Variants in UGT1A4 observed in about 807,000 individuals in gnomAD.
UGT1A4 encodes the protein UDP-glucuronosyltransferase 1A4.
Under a neutral mutation model 41.1 loss-of-function variants are expected in UGT1A4, and 32 were observed. The ratio of observed to expected loss-of-function variants is 0.78; its 90% CI spans 0.59 to 1.05. The LOEUF is 1.05. Among genes scored for constraint, UGT1A4 ranks in the 50% least tolerant of loss-of-function variants. The pLI, the probability that UGT1A4 is intolerant of heterozygous loss-of-function variation, is 0.00. For synonymous variants in UGT1A4, 283 were observed against 265.1 expected, an observed-to-expected ratio of 1.07 and a Z score of -0.66; for missense variants, 748 against 677.4, an observed-to-expected ratio of 1.10 and a Z score of -1.16.
chr2:233,755,108 C>T lies in UGT1A4; in HGVS notation c.868-11926C>T, dbSNP rs1275990290. ...CGCGTTTCTACGCGTCCGACAACAC[C>T]TCGTAGGCCTCAGCCACCTGCTTGA... On this transcript the variant is annotated intron_variant, in intron 1 of 4. Transcript: ENST00000373409. 8 of 1,333,390 alleles carry T rather than the reference C, an allele frequency of 6.0e-6. No individual in the cohort carries two copies. In the Admixed American group the frequency reaches 9.5e-5, roughly 16 times the overall value. The allele number at this position is 1,333,390 out of a possible 1,614,324, so 82.6% of individuals were successfully genotyped here. A position where few individuals can be genotyped will look rare whatever the true frequency, so the allele number is the denominator to read the frequency against.
intron 1 of UGT1A4, chr2:233,755,273 G>GGA: frequency 1.3e-6 from 1 of 755,874 alleles, no homozygotes. Flanking sequence ...CCACTATGCT[G>GGA]GACTGCCAAA....
chr2:233,724,364 G>C (rs1172748596), intron 1 of UGT1A4, among the ~76,000 whole-genome samples: 12 of 145,710 alleles, frequency 8.2e-5, no homozygotes, highest in Non-Finnish European at 1.2e-4. Flanking sequence ...CCTCCCGGAC[G>C]GGGTGGCTGC....
chr2:233,729,056 T>G, intron 1 of UGT1A4: 1 of 1,610,084 alleles, frequency 6.2e-7, no homozygotes, highest in Non-Finnish European at 8.5e-7. Flanking sequence ...ACAAGGTAAT[T>G]AAGATGAAGA....
rs146693320 is a variant in UGT1A4 at position 233,769,441 on chromosome 2, G to A, written c.1307+1002G>A. On this transcript the variant is annotated intron_variant, in intron 4 of 4. Transcript: ENST00000373409. The surrounding 1 kb of genome is among the most constrained non-coding windows in gnomAD (Gnocchi z 4.4). The stretch of plus-strand genomic sequence containing the variant: ...TGCATGTGGCTGTGCTCATGTGTGG[G>A]TGCACACGTGTGCATTCATATGCGT... 108 of 1,546,728 alleles carry A rather than the reference G, an allele frequency of 7.0e-5. No individual in the cohort carries two copies. Among genetic ancestry groups the A allele is most frequent in the Non-Finnish European group, 9.1e-5 (102 of 1,123,582 alleles).
At chr2:233,761,014 A>G (rs756396505) in intron 1 of UGT1A4, 2 of 1,614,180 alleles carry the variant, frequency 1.2e-6, no homozygotes, top group South Asian at 1.1e-5. Flanking sequence ...GAGAGAGGTG[A>G]CTGTCCAGGA....
rs536544989 is a variant in UGT1A4 at position 233,747,339 on chromosome 2, C to T, written c.868-19695C>T. 4.1e-5 allele frequency: 65 copies of T among 1,603,348 alleles called. 1 individual carries two copies. The highest frequency in any genetic ancestry group is 5.4e-5 in the African/African-American group (4 of 74,450). ...TACCCATTGATGGCAGCCACTGGCT[C>T]GCATGCGGGAGGCCGTGCGGGAGCT... On this transcript the variant is annotated intron_variant, in intron 1 of 4. Transcript: ENST00000373409.
At position 233,772,256 on chromosome 2, in the gene UGT1A4, G is replaced by A; in HGVS notation, c.1308-6G>A. ...CCAGGCATAACGAAACTGTCTTTGTGTTTAGTTACAAGGAGAACATCATGC... is the reference window on the plus strand; with the variant it reads ...CCAGGCATAACGAAACTGTCTTTGTATTTAGTTACAAGGAGAACATCATGC... On this transcript the variant is annotated splice_polypyrimidine_tract_variant and splice_region_variant and intron_variant, in intron 4 of 4. Coordinates refer to ENST00000373409, the MANE Select transcript of UGT1A4 (RefSeq NM_007120.3). 1.9e-6 allele frequency: 3 copies of A among 1,614,262 alleles called. No homozygotes were observed. Among genetic ancestry groups the A allele is most frequent in the Non-Finnish European group, 2.5e-6 (3 of 1,180,048 alleles).
chr2:233,730,068 G>T (rs1197768852), intron 1 of UGT1A4: 3 of 1,610,044 alleles, frequency 1.9e-6, no homozygotes, highest in African/African-American at 1.3e-5. Flanking sequence ...ATTTAAAATT[G>T]CTTCCATATT....
chr2:233,737,052 A>T (rs1559381224), intron 1 of UGT1A4, among the ~76,000 whole-genome samples: 1 of 152,244 alleles, frequency 6.6e-6, no homozygotes, highest in Non-Finnish European at 1.5e-5. Flanking sequence ...CCATACTAGG[A>T]GAACGAGTGC....
intron 1 of UGT1A4, chr2:233,747,131 T>C: frequency 6.5e-7 from 1 of 1,533,260 alleles, no homozygotes; most frequent in Non-Finnish European, 8.8e-7. Flanking sequence ...AGTGGCTCAG[T>C]GACAAGGTAA....
At chr2:233,759,153 G>A (rs1244080154) in intron 1 of UGT1A4, among the ~76,000 whole-genome samples, 1 of 152,246 alleles carries the variant, frequency 6.6e-6, no homozygotes, top group Non-Finnish European at 1.5e-5. Flanking sequence ...GAGTTCCACA[G>A]AACACAAGGC....
At chr2:233,735,012 T>C (rs1234170278) in intron 1 of UGT1A4, among the ~76,000 whole-genome samples, 1 of 152,238 alleles carries the variant, frequency 6.6e-6, no homozygotes, top group Non-Finnish European at 1.5e-5. Flanking sequence ...TGGAGAGTTC[T>C]GTAGATGTCT....
intron 4 of UGT1A4, 111 bp from the exon 5 acceptor site, chr2:233,772,151 C>T (rs1700473345): frequency 1.3e-6 from 2 of 1,555,904 alleles, no homozygotes; most frequent in Non-Finnish European, 8.7e-7. Context: ...AACAGGTTTC[C>T]TTTCCCAAGT....
intron 1 of UGT1A4, among the ~76,000 whole-genome samples, chr2:233,757,990 G>A (rs1696768799): frequency 6.6e-6 from 1 of 152,054 alleles, no homozygotes; most frequent in Non-Finnish European, 1.5e-5. Flanking sequence ...ACCATCCCCT[G>A]TAATTGCCTG....
chr2:233,726,305 A>G (rs1451221769), intron 1 of UGT1A4, among the ~76,000 whole-genome samples: 1 of 152,118 alleles, frequency 6.6e-6, no homozygotes, highest in African/African-American at 2.4e-5. Flanking sequence ...AGGTGGGAGG[A>G]TCATTGAGCT....
chr2:233,759,109 C>A (rs1697056507), intron 1 of UGT1A4, among the ~76,000 whole-genome samples: 1 of 152,128 alleles, frequency 6.6e-6, no homozygotes, highest in Admixed American at 6.5e-5. Flanking sequence ...GTTTGCAAAC[C>A]AGGGAGTTAC....
chr2:233,729,365 A>G, intron 1 of UGT1A4: 4 of 1,614,132 alleles, frequency 2.5e-6, no homozygotes, highest in African/African-American at 2.7e-5. Flanking sequence ...CTGACAACCT[A>G]TGCCATTTCG....
intron 1 of UGT1A4, among the ~76,000 whole-genome samples, chr2:233,731,588 T>C (rs2078180230): frequency 6.6e-6 from 1 of 152,212 alleles, no homozygotes; most frequent in African/African-American, 2.4e-5. Flanking sequence ...TACAGCTTTG[T>C]CCATCTCCCT....
Sources: allele counts gnomAD v4.1 joint callset (sites outside exome capture counted in the v4.1 genomes callset), GRCh38; gene constraint gnomAD v4.1.1; non-coding constraint Gnocchi (gnomAD v3.1); transcripts MANE v1.5; gene names NCBI Gene and HGNC (gene_info 2026-07-23, HGNC 2026-07-21).